INPP5D: variants seen among roughly 807,000 people sequenced by gnomAD.
INPP5D encodes the protein phosphatidylinositol 3,4,5-trisphosphate 5-phosphatase 1.
Under a neutral mutation model 122.9 loss-of-function variants are expected in INPP5D, and 33 were observed. The ratio of observed to expected loss-of-function variants is 0.27; its 90% CI spans 0.20 to 0.36. INPP5D has a LOEUF of 0.36. Among genes scored for constraint, INPP5D ranks in the 10% least tolerant of loss-of-function variants. The probability of loss-of-function intolerance (pLI) is 1.00; values close to 1 mark genes in which losing one functional copy is unlikely to be tolerated. For missense variants in INPP5D, 1,053 were observed against 1,412.7 expected, an observed-to-expected ratio of 0.75 and a Z score of 4.08; for synonymous variants, 584 against 576.2, an observed-to-expected ratio of 1.01 and a Z score of -0.19.
In INPP5D at chr2:233,206,389, T is replaced by C. The variant is rs1695505405; in HGVS notation, c.3568-317T>C. 6.6e-6 allele frequency among the ~76,000 whole-genome samples: 1 copy of C among 152,018 alleles called. No individual in the cohort carries two copies. Among genetic ancestry groups the C allele is most frequent in the South Asian group, 2.1e-4 (1 of 4,826 alleles). On this transcript the variant is annotated intron_variant, in intron 26 of 26. Transcript: ENST00000445964. The surrounding 1 kb of genome is among the most constrained non-coding windows in gnomAD (Gnocchi z 4.0). Reference sequence around the variant, plus strand: ...TATATATATGGTACGTACCTGGGTGTGGTGCCATGCACCTGTAGTCCCAGC... The same window carrying C: ...TATATATATGGTACGTACCTGGGTGCGGTGCCATGCACCTGTAGTCCCAGC...
intron 1 of INPP5D, among the ~76,000 whole-genome samples, chr2:233,064,766 G>A (rs1010119398): frequency 3.3e-5 from 5 of 152,344 alleles, no homozygotes; most frequent in East Asian, 3.9e-4. Flanking sequence ...TGATGGAGCC[G>A]CAGAGAAGGG....
At chr2:233,126,361 C>A (rs1376401741) in intron 4 of INPP5D, among the ~76,000 whole-genome samples, 1 of 152,184 alleles carries the variant, frequency 6.6e-6, no homozygotes, top group Non-Finnish European at 1.5e-5. Flanking sequence ...TCTGAGGCTG[C>A]CAGGGCTGCC....
chr2:233,196,095 G>C (rs1695175782), intron 24 of INPP5D, among the ~76,000 whole-genome samples: 3 of 152,188 alleles, frequency 2.0e-5, no homozygotes, highest in Admixed American at 2.0e-4. Flanking sequence ...CTGCACTCCA[G>C]CTTAGGCGAC....
rs182950340 is a variant in INPP5D, at chr2:233,206,610, C to A, written c.3568-96C>A. 2.6e-5 allele frequency: 18 copies of A among 703,244 alleles called. No individual in the cohort carries two copies. Among genetic ancestry groups the A allele is most frequent in the African/African-American group, 2.5e-4 (14 of 56,832 alleles). 43.6% of individuals were successfully genotyped at this position (703,244 alleles called of 1,614,324 possible). ...TTCTCAGCTACACGTTAAAGGAAGC[C>A]TGGCCTAGCCCACAGCATGCAGGGA... On this transcript the variant is annotated intron_variant, in intron 26 of 26. Coordinates refer to ENST00000445964, the MANE Select transcript of INPP5D (RefSeq NM_001017915.3). The surrounding 1 kb of genome is among the most constrained non-coding windows in gnomAD (Gnocchi z 4.0).
At chr2:233,198,890 C>T (rs911629978) in intron 25 of INPP5D, among the ~76,000 whole-genome samples, 3 of 151,098 alleles carry the variant, frequency 2.0e-5, no homozygotes, top group Non-Finnish European at 2.9e-5. Flanking sequence ...GTGGAGGTTG[C>T]GGTGCGCCGA....
At chr2:233,061,143 T>C (rs1230561339) in intron 1 of INPP5D, among the ~76,000 whole-genome samples, 1 of 152,170 alleles carries the variant, frequency 6.6e-6, no homozygotes, top group East Asian at 1.9e-4. Flanking sequence ...TTCAGGGGCC[T>C]GAGAGCAGAG....
intron 2 of INPP5D, among the ~76,000 whole-genome samples, chr2:233,109,724 G>A (rs576620937): frequency 2.1e-5 from 3 of 145,432 alleles, no homozygotes; most frequent in East Asian, 4.2e-4. Flanking sequence ...GATTACAGGC[G>A]CCTGCCACCA....
rs1478138668 is a variant in INPP5D, at chr2:233,082,187, A to G, written c.198+2789A>G. Among the ~76,000 whole-genome samples the G allele has an allele frequency of 6.6e-6, 1 of 152,180 alleles. No individual in the cohort carries two copies. The highest frequency in any genetic ancestry group is 1.5e-5 in the Non-Finnish European group (1 of 68,036). ...GAGGTTTTCCTTCAAGGTGAATTAA[A>G]GGGGAATTCTCATAGGATTCTCCCA... On this transcript the variant is annotated intron_variant, in intron 2 of 26. Transcript: ENST00000445964. The surrounding 1 kb of genome is among the most constrained non-coding windows in gnomAD (Gnocchi z 4.7).
intron 8 of INPP5D, among the ~76,000 whole-genome samples, chr2:233,146,946 C>T (rs1390200192): frequency 3.9e-5 from 6 of 152,162 alleles, no homozygotes; most frequent in South Asian, 2.1e-4. Context: ...GCACCCCCTC[C>T]GCCACACACA....
intron 17 of INPP5D, 57 bp downstream of exon 17, chr2:233,171,209 G>A: frequency 6.3e-7 from 1 of 1,583,138 alleles, no homozygotes; most frequent in Admixed American, 1.9e-5. Flanking sequence ...GCTGGTGTCT[G>A]TTCCCAAAAG....
rs1205162251 is a variant in INPP5D, at chr2:233,100,241, C to T, written c.198+20843C>T. ...CAGCCTGTTCCACTCATTTACATCACCCGCCTGACTGCTGTAGGCCACTGA... is the reference window on the plus strand; with the variant it reads ...CAGCCTGTTCCACTCATTTACATCATCCGCCTGACTGCTGTAGGCCACTGA... On this transcript the variant is annotated intron_variant, in intron 2 of 26. Coordinates refer to ENST00000445964, the MANE Select transcript of INPP5D (RefSeq NM_001017915.3). The surrounding 1 kb of genome is among the most constrained non-coding windows in gnomAD (Gnocchi z 5.3). Among the ~76,000 whole-genome samples, 3 of 152,188 alleles carry T rather than the reference C, an allele frequency of 2.0e-5. No homozygotes were observed.
chr2:233,118,642 G>C (rs111489634), intron 2 of INPP5D, among the ~76,000 whole-genome samples: 3,267 of 152,352 alleles, frequency 0.021, 89 homozygotes, highest in African/African-American at 0.059. Context: ...CTGCCTGCAG[G>C]CACAGGGTGC....
At chr2:233,108,907 T>G (rs1263726768) in intron 2 of INPP5D, among the ~76,000 whole-genome samples, 2 of 152,220 alleles carry the variant, frequency 1.3e-5, no homozygotes, top group Non-Finnish European at 2.9e-5. Context: ...TTGCAGCTTC[T>G]GCATGGCAGA....
At chr2:233,142,741 G>A (rs1693657855) in intron 6 of INPP5D, among the ~76,000 whole-genome samples, 1 of 152,110 alleles carries the variant, frequency 6.6e-6, no homozygotes, top group Admixed American at 6.5e-5. Context: ...CAACTGAAAA[G>A]CAAAGTGAAA....
chr2:233,122,321 G>A (rs1345344123), intron 3 of INPP5D, 64 bp downstream of exon 3: 1 of 1,537,464 alleles, frequency 6.5e-7, no homozygotes, highest in Non-Finnish European at 8.8e-7. Flanking sequence ...CCCACCTTGA[G>A]TGCTTGTAGA....
At chr2:233,125,212 C>G (rs1379043249) in intron 3 of INPP5D, among the ~76,000 whole-genome samples, 1 of 152,218 alleles carries the variant, frequency 6.6e-6, no homozygotes, top group African/African-American at 2.4e-5. Context: ...TTATGTGTTT[C>G]TGAGAGTCTG....
At chr2:233,190,100 C>T (rs553504476) in intron 22 of INPP5D, among the ~76,000 whole-genome samples, 163 bp downstream of exon 22, 1 of 152,318 alleles carries the variant, frequency 6.6e-6, no homozygotes, top group Admixed American at 6.5e-5. Flanking sequence ...AGTCATCCTT[C>T]CCTCCCCACT....
chr2:233,126,068 C>T (rs1255935050), intron 4 of INPP5D, 149 bp downstream of exon 4: 3 of 792,656 alleles, frequency 3.8e-6, no homozygotes, highest in Non-Finnish European at 5.9e-6. Context: ...TGTCATCTTG[C>T]ACCCCAGAGG....
intron 2 of INPP5D, among the ~76,000 whole-genome samples, chr2:233,087,557 C>T (rs561077382): frequency 5.9e-5 from 9 of 152,224 alleles, no homozygotes; most frequent in African/African-American, 1.7e-4. Flanking sequence ...GACCTCTTGA[C>T]CTTGTGATCT....
Sources: gnomAD v4.1 joint callset for allele counts (sites outside exome capture counted in the v4.1 genomes callset) on GRCh38, gnomAD v4.1.1 for gene constraint, Gnocchi (gnomAD v3.1) non-coding constraint, MANE v1.5 for transcripts, NCBI Gene and HGNC (gene_info 2026-07-23, HGNC 2026-07-21) for gene names.